SLC24A2: variants seen among roughly 807,000 people sequenced by gnomAD.
The protein encoded by SLC24A2 is solute carrier family 24 member 2.
Under a neutral mutation model 62.0 loss-of-function variants are expected in SLC24A2, and 36 were observed. That is an observed-to-expected ratio of 0.58 (90% CI 0.44 to 0.77). SLC24A2 has a LOEUF of 0.77. SLC24A2 is among the 30% of genes least tolerant of loss of function. The probability of loss-of-function intolerance (pLI) is 0.00; values close to 1 mark genes in which losing one functional copy is unlikely to be tolerated. For synonymous variants in SLC24A2, 358 were observed against 294.0 expected (o/e 1.22, Z -2.23); for missense variants, 846 against 817.9 (o/e 1.03, Z -0.42).
intron 2 of SLC24A2, among the ~76,000 whole-genome samples, chr9:19,779,467 C>T (rs1054646346): frequency 1.3e-5 from 2 of 152,054 alleles, no homozygotes; most frequent in Non-Finnish European, 2.9e-5. Context: ...CGAAATTGGA[C>T]GAGAAAATAA....
the SLC24A2 span, among the ~76,000 whole-genome samples, chr9:20,018,647 T>A: frequency 6.6e-6 from 1 of 152,310 alleles, no homozygotes; most frequent in East Asian, 1.9e-4. Context: ...CAGATAACAG[T>A]AACCATAATC....
At chr9:19,553,243 G>T (rs898519743) in intron 7 of SLC24A2, among the ~76,000 whole-genome samples, 2 of 152,214 alleles carry the variant, frequency 1.3e-5, no homozygotes, top group Non-Finnish European at 2.9e-5. Flanking sequence ...GGCTTATTTT[G>T]TCTTTGTTCA....
At chr9:19,816,747 C>A in the SLC24A2 span, among the ~76,000 whole-genome samples, 2 of 152,016 alleles carry the variant, frequency 1.3e-5, no homozygotes, top group East Asian at 1.9e-4. Flanking sequence ...GTGCCACATA[C>A]TTTTAAACAA....
chr9:19,842,264 T>G, the SLC24A2 span, among the ~76,000 whole-genome samples: 2 of 152,154 alleles, frequency 1.3e-5, no homozygotes, highest in African/African-American at 4.8e-5. Flanking sequence ...AATAAACTAA[T>G]TGTCTACAAA....
rs564300167 is a variant in SLC24A2 at position 19,705,818 on chromosome 9, T to A, written c.930+80119A>T. 3.9e-5 allele frequency among the ~76,000 whole-genome samples: 6 copies of A among 152,296 alleles called. No homozygotes were observed. In the East Asian group the frequency reaches 1.2e-3, roughly 29 times the overall value. On this transcript the variant is annotated intron_variant, in intron 2 of 10. Coordinates refer to ENST00000341998, the MANE Select transcript of SLC24A2 (RefSeq NM_020344.4). ...AGAGACAGTTTGTTATAATTTCTGT[T>A]CTTTTACATTTGCTGAGGAGAGCTT...
At chr9:20,218,698 G>C in the SLC24A2 span, among the ~76,000 whole-genome samples, 1 of 152,122 alleles carries the variant, frequency 6.6e-6, no homozygotes, top group African/African-American at 2.4e-5. Context: ...GCCAAAGAAG[G>C]GTGCCCATAT....
chr9:20,113,042 C>A, the SLC24A2 span, among the ~76,000 whole-genome samples: 1 of 152,054 alleles, frequency 6.6e-6, no homozygotes, highest in Admixed American at 6.6e-5. Context: ...ATGTGACATG[C>A]CTGGCAGCCA....
rs144861314 is a variant in SLC24A2, at chr9:19,602,703, T to G, written c.1079-5424A>C. On this transcript the variant is annotated intron_variant, in intron 4 of 10. Coordinates refer to ENST00000341998, the MANE Select transcript of SLC24A2 (RefSeq NM_020344.4). Reference sequence around the variant, plus strand: ...TTCTGGGGTCCAACAATCCTGGGTTTGAACCCAGCTCCATCAGTTTCTACC... The same window carrying G: ...TTCTGGGGTCCAACAATCCTGGGTTGGAACCCAGCTCCATCAGTTTCTACC... Among the ~76,000 whole-genome samples the G allele has an allele frequency of 4.2e-4, 64 of 152,296 alleles. 1 individual carries two copies. The highest frequency in any genetic ancestry group is 1.4e-3 in the African/African-American group (58 of 41,570).
chr9:19,774,534 C>G (rs1260268276), intron 2 of SLC24A2, among the ~76,000 whole-genome samples: 1 of 152,172 alleles, frequency 6.6e-6, no homozygotes, highest in Non-Finnish European at 1.5e-5. Flanking sequence ...TGGTTGCTAT[C>G]AGGTGGTACG....
In SLC24A2 at chr9:19,786,802, G is replaced by C. The variant is rs1823189226; in HGVS notation, c.65C>G (p.Ser22Cys). ...GACACTATAATGTCTTCTGCAGCCAGACAGTGACTCATCCAAACACCATTT... is the reference window on the plus strand; with the variant it reads ...GACACTATAATGTCTTCTGCAGCCACACAGTGACTCATCCAAACACCATTT... ...LEKWCLDESLSGCRRHYSVKK... is the reference protein window; with the variant it reads ...LEKWCLDESLCGCRRHYSVKK... The change falls in exon 2 of 11, where the codon TCT (serine) becomes TGT (cysteine). Residue 22 changes from serine to cysteine, a missense_variant. Coordinates refer to ENST00000341998, the MANE Select transcript of SLC24A2 (RefSeq NM_020344.4). This position sits in a 1 kb window ranked among gnomAD's most constrained non-coding sequence, Gnocchi z 5.0. 2 of 1,611,006 alleles carry C rather than the reference G, an allele frequency of 1.2e-6. No homozygotes were observed. The highest frequency in any genetic ancestry group is 1.3e-5 in the African/African-American group (1 of 74,746).
At chr9:19,723,894 G>A (rs1358370249) in intron 2 of SLC24A2, among the ~76,000 whole-genome samples, 1 of 151,962 alleles carries the variant, frequency 6.6e-6, no homozygotes, top group African/African-American at 2.4e-5. Context: ...GATACTGAGT[G>A]CTGTATAAGG....
the SLC24A2 span, among the ~76,000 whole-genome samples, chr9:19,979,017 CT>C: frequency 6.6e-6 from 1 of 152,104 alleles, no homozygotes. Flanking sequence ...TGTGCTCCGT[CT>C]TTTTTAAGTG....
the SLC24A2 span, among the ~76,000 whole-genome samples, chr9:19,879,253 T>G: frequency 3.9e-4 from 59 of 151,804 alleles, no homozygotes; most frequent in East Asian, 0.011. Context: ...AGGCTGGGAG[T>G]CAAGGAAGCA....
the SLC24A2 span, among the ~76,000 whole-genome samples, chr9:20,077,604 G>C: frequency 3.3e-3 from 482 of 146,034 alleles, 1 homozygote; most frequent in African/African-American, 0.011. Context: ...GGAGCTATTA[G>C]ATGGGGAGAA....
At chr9:20,113,187 C>T in the SLC24A2 span, among the ~76,000 whole-genome samples, 1 of 152,086 alleles carries the variant, frequency 6.6e-6, no homozygotes, top group African/African-American at 2.4e-5. Flanking sequence ...GAAATCACTC[C>T]AGGTCTTTCA....
the SLC24A2 span, among the ~76,000 whole-genome samples, chr9:20,063,426 G>A: frequency 6.8e-6 from 1 of 147,128 alleles, no homozygotes; most frequent in Non-Finnish European, 1.5e-5. Flanking sequence ...GTCACTCATA[G>A]GTGGGAATTG....
the SLC24A2 span, among the ~76,000 whole-genome samples, chr9:19,909,996 A>C: frequency 1.2e-3 from 182 of 152,234 alleles, 2 homozygotes; most frequent in African/African-American, 4.1e-3. Flanking sequence ...TCAAAATAAT[A>C]TTTATTGAGT....
intron 2 of SLC24A2, among the ~76,000 whole-genome samples, chr9:19,709,125 A>C (rs1460709852): frequency 7.2e-5 from 11 of 152,208 alleles, no homozygotes; most frequent in Admixed American, 7.2e-4. Context: ...AAAAGAAGAC[A>C]TTTATGCAGC....
At chr9:19,806,470 C>T in the SLC24A2 span, among the ~76,000 whole-genome samples, 1 of 152,066 alleles carries the variant, frequency 6.6e-6, no homozygotes, top group Non-Finnish European at 1.5e-5. Flanking sequence ...GAAAACGTCA[C>T]CATCTTTCTA....
Sources: gnomAD v4.1 joint callset for allele counts (sites outside exome capture counted in the v4.1 genomes callset) on GRCh38, gnomAD v4.1.1 for gene constraint, Gnocchi (gnomAD v3.1) non-coding constraint, MANE v1.5 for transcripts, NCBI Gene and HGNC (gene_info 2026-07-23, HGNC 2026-07-21) for gene names.